Variants in WDR43 observed in about 807,000 individuals in gnomAD.
WDR43 encodes the protein WD repeat domain 43.
WDR43 carries 13 observed loss-of-function variants against 91.4 expected under a neutral mutation model. That is an observed-to-expected ratio of 0.14 (90% confidence interval 0.09 to 0.23). WDR43 has a LOEUF of 0.23. Ranked by LOEUF, WDR43 falls within the 10% of genes least tolerant of loss-of-function variation. WDR43 has a pLI of 1.00. For synonymous variants in WDR43, 331 were observed against 287.9 expected, an observed-to-expected ratio of 1.15 and a Z score of -1.51; for missense variants, 780 against 809.4, an observed-to-expected ratio of 0.96 and a Z score of 0.44.
At chr2:28,942,197 T>C in intron 15 of WDR43, 115 bp from the exon 16 acceptor site, 1 of 912,142 alleles carries the variant, frequency 1.1e-6, no homozygotes. Context: ...TCCTCCATTA[T>C]GGTGGTGGAG....
intron 12 of WDR43, among the ~76,000 whole-genome samples, chr2:28,935,976 G>T (rs1287664714): frequency 6.6e-6 from 1 of 152,094 alleles, no homozygotes; most frequent in Non-Finnish European, 1.5e-5. Context: ...GTTTTTCCCA[G>T]TATGTCCTGT....
chr2:28,900,838 G>T (rs1670567199), intron 1 of WDR43, among the ~76,000 whole-genome samples: 1 of 151,960 alleles, frequency 6.6e-6, no homozygotes, highest in Admixed American at 6.5e-5. Flanking sequence ...TTTTCTGTAA[G>T]TAGGTTACCT....
chr2:28,938,760 T>C (rs1671381931), intron 14 of WDR43, among the ~76,000 whole-genome samples: 1 of 152,212 alleles, frequency 6.6e-6, no homozygotes, highest in Non-Finnish European at 1.5e-5. Context: ...AGGGAAAACT[T>C]GGTTAATCTG....
chr2:28,906,245 C>T (rs188889185), intron 2 of WDR43, among the ~76,000 whole-genome samples: 3 of 152,282 alleles, frequency 2.0e-5, no homozygotes, highest in East Asian at 3.9e-4. Flanking sequence ...TTCACATCCT[C>T]TGCCAATGAC....
chr2:28,941,471 T>A lies in WDR43; in HGVS notation c.1631T>A (p.Leu544Gln), dbSNP rs767429415. The change falls in exon 15 of 18, where the codon CTG becomes CAG. Residue 544 changes from leucine to glutamine, a missense_variant. Leu to Gln is a moderately radical substitution (Grantham distance 113, BLOSUM62 -2). This residue lies in a region of WDR43 where 426 missense variants were observed against 467.8 expected (regional missense o/e 0.91). Coordinates refer to ENST00000407426, the MANE Select transcript of WDR43 (RefSeq NM_015131.3). ...CATTTTTTTCTCTAGTTGCCTGACC[T>A]GGTACCCCAGCTGGGGACACTCTAC... ...HASYLSTLPD[L>Q]VPQLGTLYQL... 1.9e-6 allele frequency: 3 copies of A among 1,612,832 alleles called. No homozygotes were observed. Among genetic ancestry groups the A allele is most frequent in the Non-Finnish European group, 2.5e-6 (3 of 1,179,376 alleles).
Position 28,937,979 on chromosome 2 carries a change from A to G in WDR43, c.1605A>G (p.Ala535=). The change falls in exon 14 of 18, where the codon GCA becomes GCG. Residue 535 remains alanine (A), a synonymous_variant. Coordinates refer to ENST00000407426, the MANE Select transcript of WDR43 (RefSeq NM_015131.3). ...TAAAATGTGTGTTAACAGTTCATGC[A>G]TCATACCTGTCCACGGTGAGTCTTT... ...QWLKCVLTVH[A]SYLSTLPDLV... The G allele has an allele frequency of 1.2e-6, 2 of 1,613,794 alleles. No individual in the cohort carries two copies. Among genetic ancestry groups the G allele is most frequent in the Non-Finnish European group, 8.5e-7 (1 of 1,179,812 alleles).
At chr2:28,901,894 CTT>C in intron 1 of WDR43, 91 bp from the exon 2 acceptor site, 1 of 1,263,454 alleles carries the variant, frequency 7.9e-7, no homozygotes, top group Non-Finnish European at 1.1e-6. Flanking sequence ...TTTAAAATGT[CTT>C]TTGTGGGCTG....
intron 6 of WDR43, among the ~76,000 whole-genome samples, chr2:28,919,319 A>G (rs1572591319): frequency 6.6e-6 from 1 of 152,104 alleles, no homozygotes; most frequent in Middle Eastern, 3.2e-3. Flanking sequence ...CTAATATGAA[A>G]TGGGGGCCAT....
At chr2:28,922,723 T>C (rs1671056287) in intron 6 of WDR43, among the ~76,000 whole-genome samples, 196 bp from the exon 7 acceptor site, 3 of 152,156 alleles carry the variant, frequency 2.0e-5, no homozygotes, top group African/African-American at 7.2e-5. Flanking sequence ...TAAACATTTA[T>C]CTAGAATCTT....
At position 28,909,694 on chromosome 2, in the gene WDR43, G is replaced by A. The variant is rs535121536; in HGVS notation, c.486-2896G>A. ...TCGAGACTGTCCTGGGAAACATAGT[G>A]AGAACCCCCTCTCTACAAAAATGAA... On this transcript the variant is annotated intron_variant, in intron 3 of 17. Coordinates refer to ENST00000407426, the MANE Select transcript of WDR43 (RefSeq NM_015131.3). Among the ~76,000 whole-genome samples the A allele has an allele frequency of 1.1e-4, 17 of 152,190 alleles. No homozygotes were observed. The South Asian group carries it at 3.3e-3, about 30-fold the overall frequency.
At chr2:28,911,472 T>G (rs1246532215) in intron 3 of WDR43, among the ~76,000 whole-genome samples, 1 of 151,966 alleles carries the variant, frequency 6.6e-6, no homozygotes, top group Admixed American at 6.6e-5. Flanking sequence ...TTTTTTGAAT[T>G]TTTAGTAGAG....
chr2:28,902,599 TGAG>T (rs1338257311), intron 2 of WDR43, among the ~76,000 whole-genome samples: 1 of 152,242 alleles, frequency 6.6e-6, no homozygotes, highest in Non-Finnish European at 1.5e-5. Context: ...ATGGAGATGA[TGAG>T]ATTGGTTCTC....
chr2:28,908,479 G>C (rs1670726807), intron 3 of WDR43, among the ~76,000 whole-genome samples: 1 of 152,150 alleles, frequency 6.6e-6, no homozygotes. Context: ...GTCTGGGGTA[G>C]GGCCTGTGTT....
At chr2:28,929,772 CAT>C in intron 11 of WDR43, 62 bp downstream of exon 11, 1 of 1,516,032 alleles carries the variant, frequency 6.6e-7, no homozygotes, top group Middle Eastern at 1.7e-4. Flanking sequence ...AAATGATTGA[CAT>C]AGCACATTCA....
intron 15 of WDR43, 26 bp downstream of exon 15, chr2:28,941,600 T>A: frequency 6.4e-7 from 1 of 1,555,022 alleles, no homozygotes; most frequent in Non-Finnish European, 8.8e-7. Flanking sequence ...TGTTCTGGGC[T>A]AAAACTTTTG....
chr2:28,937,793 A>G (rs1374822818), intron 13 of WDR43, 138 bp from the exon 14 acceptor site: 6 of 774,514 alleles, frequency 7.7e-6, no homozygotes. Flanking sequence ...TGATATATAC[A>G]CAGTGATATA....
intron 11 of WDR43, among the ~76,000 whole-genome samples, chr2:28,931,666 T>TC (rs1558380945): frequency 6.6e-6 from 1 of 152,034 alleles, no homozygotes; most frequent in Admixed American, 6.6e-5. Context: ...TTTTTTTTTT[T>TC]TGCAAGAACG....
chr2:28,940,113 A>G (rs1026484921), intron 14 of WDR43, among the ~76,000 whole-genome samples: 2 of 148,640 alleles, frequency 1.3e-5, no homozygotes, highest in African/African-American at 5.0e-5. Flanking sequence ...CTCCGTCTCA[A>G]AAAAAAAAAA....
At chr2:28,926,598 C>T (rs1180927591) in intron 9 of WDR43, 44 bp downstream of exon 9, 2 of 1,491,532 alleles carry the variant, frequency 1.3e-6, no homozygotes, top group East Asian at 2.4e-5. Flanking sequence ...AAGAATATTT[C>T]TTTGGGTGAA....
Sources: gnomAD v4.1 joint callset for allele counts (sites outside exome capture counted in the v4.1 genomes callset) on GRCh38, gnomAD v4.1.1 for gene constraint, gnomAD v4.1.1 regional missense constraint, MANE v1.5 for transcripts, NCBI Gene and HGNC (gene_info 2026-07-23, HGNC 2026-07-21) for gene names.